The following GABRB3 variants were observed in gnomAD, a reference collection of about 807,000 sequenced individuals.
The protein encoded by GABRB3 is gamma-aminobutyric acid receptor subunit beta-3.
A neutral mutation model predicts 52.1 loss-of-function variants in GABRB3; 14 were observed. The ratio of observed to expected loss-of-function variants is 0.27; its 90% CI spans 0.18 to 0.42. GABRB3 has a LOEUF of 0.42. GABRB3 is among the 10% of genes least tolerant of loss of function. The probability of loss-of-function intolerance (pLI) is 1.00; values close to 1 mark genes in which losing one functional copy is unlikely to be tolerated. For missense variants in GABRB3, 307 were observed against 609.1 expected (o/e 0.50, Z 5.22); for synonymous variants, 260 against 232.3 (o/e 1.12, Z -1.08).
At chr15:26,715,613 T>C (rs1486935365) in intron 3 of GABRB3, among the ~76,000 whole-genome samples, 2 of 152,216 alleles carry the variant, frequency 1.3e-5, no homozygotes, top group African/African-American at 4.8e-5. Flanking sequence ...CCGATTCTCT[T>C]ACTAGTCCTG....
At chr15:26,634,602 T>G (rs2140563032) in intron 3 of GABRB3, among the ~76,000 whole-genome samples, 1 of 151,872 alleles carries the variant, frequency 6.6e-6, no homozygotes, top group South Asian at 2.1e-4. Flanking sequence ...GTGTCTAGAG[T>G]ATGGAGGTCA....
chr15:26,628,851 G>GA (rs1319366638), intron 3 of GABRB3: 11 of 1,010,186 alleles, frequency 1.1e-5, no homozygotes, highest in Non-Finnish European at 1.5e-5. Flanking sequence ...GCAGAGGCCT[G>GA]AAACGGCAGT....
intron 3 of GABRB3, among the ~76,000 whole-genome samples, chr15:26,747,261 A>C (rs1890372011): frequency 6.6e-6 from 1 of 152,198 alleles, no homozygotes; most frequent in African/African-American, 2.4e-5. Flanking sequence ...CTGTGTGTAC[A>C]AAAATCCTTG....
chr15:26,580,794 T>G, intron 5 of GABRB3: 1 of 386,960 alleles, frequency 2.6e-6, no homozygotes, highest in South Asian at 2.1e-5. Flanking sequence ...ATGAATAAGA[T>G]AGTTTTAAGA....
At chr15:26,679,523 C>T (rs936845351) in intron 3 of GABRB3, among the ~76,000 whole-genome samples, 2 of 152,178 alleles carry the variant, frequency 1.3e-5, no homozygotes, top group Non-Finnish European at 2.9e-5. Context: ...CACCTCCCTA[C>T]TTTCAAGGTC....
chr15:26,666,316 G>A (rs1887708239), intron 3 of GABRB3: 1 of 152,184 alleles, frequency 6.6e-6, no homozygotes, highest in Admixed American at 6.5e-5. Flanking sequence ...CAGATGGGAA[G>A]CAAGAACAGA....
At chr15:26,745,123 AACTC>A (rs538743499) in intron 3 of GABRB3, among the ~76,000 whole-genome samples, 200 of 152,184 alleles carry the variant, frequency 1.3e-3, no homozygotes, top group South Asian at 2.9e-3. Context: ...ATCTCGTGAG[AACTC>A]ACTCACTAAC....
At chr15:26,657,826 G>A (rs1410462722) in intron 3 of GABRB3, among the ~76,000 whole-genome samples, 3 of 152,092 alleles carry the variant, frequency 2.0e-5, no homozygotes, top group Non-Finnish European at 4.4e-5. Flanking sequence ...TCATTCTTGG[G>A]CCCAGCCTAA....
At position 26,547,289 on chromosome 15, in the gene GABRB3, A is replaced by G. The variant is rs151023722; in HGVS notation, c.*504T>C. 2.6e-4 allele frequency: 100 copies of G among 383,620 alleles called. No individual in the cohort carries two copies. The highest frequency in any genetic ancestry group is 1.8e-3 in the African/African-American group (87 of 48,352). 23.8% of individuals were successfully genotyped at this position (383,620 alleles called of 1,614,324 possible). On this transcript the variant is annotated 3_prime_UTR_variant, in exon 9 of 9. Coordinates refer to ENST00000311550, the MANE Select transcript of GABRB3 (RefSeq NM_000814.6). Reference sequence around the variant, plus strand: ...TGAACGAGAGGATATGAAGTAAGTGACTCATTTTAAACTAGCAATACCACT... The same window carrying G: ...TGAACGAGAGGATATGAAGTAAGTGGCTCATTTTAAACTAGCAATACCACT...
chr15:26,606,512 TA>T (rs528719126), intron 4 of GABRB3, among the ~76,000 whole-genome samples: 128 of 152,148 alleles, frequency 8.4e-4, no homozygotes, highest in African/African-American at 3.0e-3. Flanking sequence ...TCCAACACAA[TA>T]AAGCTATATA....
chr15:26,732,868 T>C (rs938150062), intron 3 of GABRB3, among the ~76,000 whole-genome samples: 2 of 152,026 alleles, frequency 1.3e-5, no homozygotes, highest in Non-Finnish European at 2.9e-5. Context: ...AGTGGTGGTA[T>C]GTGCCTGTCA....
At chr15:26,591,273 A>G (rs1448953202) in intron 4 of GABRB3, among the ~76,000 whole-genome samples, 1 of 152,232 alleles carries the variant, frequency 6.6e-6, no homozygotes, top group Non-Finnish European at 1.5e-5. Flanking sequence ...AACACAAGTA[A>G]CTGCAAACAT....
intron 3 of GABRB3, chr15:26,624,503 C>T: frequency 1.0e-6 from 1 of 985,438 alleles, no homozygotes; most frequent in South Asian, 4.7e-5. Flanking sequence ...CCGGCTGTCA[C>T]TCACAGCCTG....
chr15:26,612,980 G>A (rs972653396), intron 4 of GABRB3: 2 of 152,270 alleles, frequency 1.3e-5, no homozygotes, highest in Admixed American at 1.3e-4. Context: ...AGCTGGTTGT[G>A]GGGGCCTGCA....
intron 3 of GABRB3, among the ~76,000 whole-genome samples, chr15:26,740,502 C>A (rs753001808): frequency 2.6e-5 from 4 of 151,956 alleles, no homozygotes; most frequent in Admixed American, 6.6e-5. Flanking sequence ...GGAGCACCTG[C>A]ATCTGAGGTC....
At chr15:26,632,126 G>A (rs183803616) in intron 3 of GABRB3, among the ~76,000 whole-genome samples, 1 of 152,364 alleles carries the variant, frequency 6.6e-6, no homozygotes, top group African/African-American at 2.4e-5. Context: ...CACTGGATCT[G>A]TGAAGACTGC....
intron 4 of GABRB3, among the ~76,000 whole-genome samples, chr15:26,604,467 T>G (rs1891706389): frequency 6.6e-6 from 1 of 152,182 alleles, no homozygotes; most frequent in Non-Finnish European, 1.5e-5. Context: ...CACGCTATCC[T>G]AAGCAAAAGG....
chr15:26,584,787 T>C (rs1056921239), intron 4 of GABRB3, among the ~76,000 whole-genome samples: 2 of 152,224 alleles, frequency 1.3e-5, no homozygotes, highest in African/African-American at 4.8e-5. Context: ...TTACACTACA[T>C]ATCTCTAGAA....
At chr15:26,549,632 G>A (rs1202086046) in intron 8 of GABRB3, among the ~76,000 whole-genome samples, 1 of 152,142 alleles carries the variant, frequency 6.6e-6, no homozygotes, top group Non-Finnish European at 1.5e-5. Flanking sequence ...TGTAACCTAA[G>A]CATGCCCAGA....
Sources: allele counts gnomAD v4.1 joint callset (sites outside exome capture counted in the v4.1 genomes callset), GRCh38; gene constraint gnomAD v4.1.1; transcripts MANE v1.5; gene names NCBI Gene and HGNC (gene_info 2026-07-23, HGNC 2026-07-21).